TMEM117: variants seen among roughly 807,000 people sequenced by gnomAD.
TMEM117 encodes the protein transmembrane protein 117.
In TMEM117, 27 loss-of-function variants were observed where a neutral mutation model predicts 52.4. That is an observed-to-expected ratio of 0.51 (90% confidence interval 0.38 to 0.71). The LOEUF is 0.71. TMEM117 is among the 30% of genes least tolerant of loss of function. TMEM117 has a pLI of 0.00. For missense variants in TMEM117, 556 were observed against 630.5 expected (o/e 0.88, Z 1.26); for synonymous variants, 215 against 206.3 (o/e 1.04, Z -0.36).
chr12:44,057,503 C>A (rs1417371712), intron 3 of TMEM117, among the ~76,000 whole-genome samples: 1 of 151,912 alleles, frequency 6.6e-6, no homozygotes, highest in Non-Finnish European at 1.5e-5. Context: ...AGGTTTGTCT[C>A]TCTGAGTTAG....
intron 5 of TMEM117, among the ~76,000 whole-genome samples, chr12:44,226,169 G>A (rs1949858011): frequency 6.6e-6 from 1 of 152,152 alleles, no homozygotes; most frequent in Non-Finnish European, 1.5e-5. Flanking sequence ...ATTTCTTAGA[G>A]AACCAGGCAG....
chr12:43,840,179 G>A (rs1027538996), intron 1 of TMEM117, among the ~76,000 whole-genome samples: 1 of 152,190 alleles, frequency 6.6e-6, no homozygotes, highest in African/African-American at 2.4e-5. Flanking sequence ...TGCATGGAGT[G>A]TTGAAGCCAG....
chr12:44,343,493 TTA>T (rs1449980021), intron 6 of TMEM117, among the ~76,000 whole-genome samples: 2 of 152,130 alleles, frequency 1.3e-5, no homozygotes, highest in African/African-American at 4.8e-5. Flanking sequence ...GATTCCACTT[TTA>T]TGAGATACCT....
chr12:44,019,628 A>G (rs922783913), intron 3 of TMEM117, among the ~76,000 whole-genome samples: 1 of 152,216 alleles, frequency 6.6e-6, no homozygotes, highest in African/African-American at 2.4e-5. Flanking sequence ...ATGTTATTTC[A>G]TAAATGTAAT....
At chr12:44,004,202 A>G (rs906226042) in intron 3 of TMEM117, among the ~76,000 whole-genome samples, 1 of 151,618 alleles carries the variant, frequency 6.6e-6, no homozygotes, top group Non-Finnish European at 1.5e-5. Flanking sequence ...ATGGACCTGC[A>G]CGATAAGCTT....
intron 4 of TMEM117, among the ~76,000 whole-genome samples, chr12:44,179,142 G>A (rs532274918): frequency 4.6e-5 from 7 of 152,122 alleles, no homozygotes; most frequent in East Asian, 1.9e-4. Flanking sequence ...GCAGTGAGCC[G>A]AGATCACGCC....
chr12:44,254,980 A>G (rs1363184049), intron 5 of TMEM117, among the ~76,000 whole-genome samples: 2 of 152,282 alleles, frequency 1.3e-5, no homozygotes, highest in South Asian at 2.1e-4. Context: ...CCTAAAAAGG[A>G]CATGAACTGT....
At position 44,188,867 on chromosome 12, in the gene TMEM117, C is replaced by T. The variant is rs574829496; in HGVS notation, c.511-22423C>T. ...ACTAGAATGTAAACTCTGTAATTTT[C>T]GTTTGTTTTTATTGATGTAGCCCCA... is the stretch of plus-strand genomic sequence containing the variant. On this transcript the variant is annotated intron_variant, in intron 4 of 7. Coordinates refer to ENST00000266534, the MANE Select transcript of TMEM117 (RefSeq NM_032256.3). 7.2e-5 allele frequency among the ~76,000 whole-genome samples: 11 copies of T among 151,852 alleles called. No homozygotes were observed. In the East Asian group the frequency reaches 9.7e-4, roughly 13 times the overall value.
At chr12:43,937,035 A>G (rs1797560279) in intron 2 of TMEM117, among the ~76,000 whole-genome samples, 1 of 152,158 alleles carries the variant, frequency 6.6e-6, no homozygotes, top group South Asian at 2.1e-4. Context: ...GTCCCCCAAG[A>G]GAGGAGGGGG....
At chr12:44,009,144 T>A in intron 3 of TMEM117, 1 of 309,144 alleles carries the variant, frequency 3.2e-6, no homozygotes. Context: ...CTTTACTTCC[T>A]TGGAAAAGCT....
At chr12:44,393,467 G>GT (rs1157895802), downstream of TMEM117, among the ~76,000 whole-genome samples, 6 of 152,166 alleles carry the variant, frequency 3.9e-5, no homozygotes, top group African/African-American at 1.4e-4. Context: ...ACAATTGAAG[G>GT]TAAGTAGGGT....
rs192612814 is a variant in TMEM117 at position 44,004,387 on chromosome 12, A to G, written c.410+60045A>G. On this transcript the variant is annotated intron_variant, in intron 3 of 7. Coordinates refer to ENST00000266534, the MANE Select transcript of TMEM117 (RefSeq NM_032256.3). The stretch of plus-strand genomic sequence containing the variant: ...AACTTCCTTTCTTTCTAAAAGCTAC[A>G]TGAATAAATTCTTTGGAATGATGGT... Among the ~76,000 whole-genome samples, 12 of 152,324 alleles carry G rather than the reference A, an allele frequency of 7.9e-5. No homozygotes were observed. In the East Asian group the frequency reaches 2.1e-3, roughly 27 times the overall value.
chr12:44,037,674 CTCT>C (rs1188869637), intron 3 of TMEM117, among the ~76,000 whole-genome samples: 1 of 152,156 alleles, frequency 6.6e-6, no homozygotes, highest in Admixed American at 6.5e-5. Context: ...TACGCACTTC[CTCT>C]TCTTTGAAGC....
At chr12:43,855,980 A>G (rs1315846777) in intron 2 of TMEM117, among the ~76,000 whole-genome samples, 1 of 152,222 alleles carries the variant, frequency 6.6e-6, no homozygotes, top group Non-Finnish European at 1.5e-5. Context: ...ATACAATGAT[A>G]TGGGTATGGT....
At chr12:44,166,628 TA>T (rs1368948992) in intron 4 of TMEM117, among the ~76,000 whole-genome samples, 2 of 152,170 alleles carry the variant, frequency 1.3e-5, no homozygotes, top group Non-Finnish European at 2.9e-5. Flanking sequence ...TTTTCTAAAA[TA>T]AACATGTTTT....
intron 3 of TMEM117, chr12:44,073,773 G>A (rs1356453165): frequency 2.0e-5 from 3 of 152,188 alleles, no homozygotes; most frequent in Non-Finnish European, 4.4e-5. Flanking sequence ...ACATTTGCAA[G>A]TTGATGTCCA....
intron 2 of TMEM117, among the ~76,000 whole-genome samples, chr12:43,938,214 C>T (rs1413937030): frequency 6.7e-6 from 1 of 148,846 alleles, no homozygotes; most frequent in Admixed American, 6.7e-5. Context: ...AGTGGTCTGG[C>T]TGGGGGCAAC....
At chr12:43,840,315 G>A (rs1943097612) in intron 1 of TMEM117, among the ~76,000 whole-genome samples, 1 of 152,162 alleles carries the variant, frequency 6.6e-6, no homozygotes, top group Admixed American at 6.5e-5. Context: ...TCATTGGGTT[G>A]CTATGAAATT....
intron 2 of TMEM117, among the ~76,000 whole-genome samples, chr12:43,868,947 T>A (rs984511178): frequency 6.6e-6 from 1 of 152,130 alleles, no homozygotes; most frequent in Non-Finnish European, 1.5e-5. Flanking sequence ...TAGAAATTTC[T>A]AGAAATATTG....
Sources: allele counts gnomAD v4.1 joint callset (sites outside exome capture counted in the v4.1 genomes callset), GRCh38; gene constraint gnomAD v4.1.1; transcripts MANE v1.5; gene names NCBI Gene and HGNC (gene_info 2026-07-23, HGNC 2026-07-21).